DCC: variants seen among roughly 807,000 people sequenced by gnomAD.
DCC encodes netrin receptor DCC.
DCC carries 58 observed loss-of-function variants against 172.5 expected under a neutral mutation model. The observed-to-expected ratio is 0.34, with a 90% CI of 0.27 to 0.42. The LOEUF is 0.42. Among genes scored for constraint, DCC ranks in the 10% least tolerant of loss-of-function variants. The pLI is 1.00. For missense variants in DCC, 1,740 were observed against 1,791.0 expected (o/e 0.97, Z 0.51); for synonymous variants, 709 against 644.5 (o/e 1.10, Z -1.52).
intron 13 of DCC, among the ~76,000 whole-genome samples, chr18:53,314,369 G>A (rs1265359081): frequency 6.6e-6 from 1 of 152,162 alleles, no homozygotes; most frequent in Non-Finnish European, 1.5e-5. Flanking sequence ...GGATAAACAT[G>A]TTTTATAGGA....
chr18:52,762,155 A>G (rs2037171986), intron 2 of DCC, among the ~76,000 whole-genome samples: 1 of 152,144 alleles, frequency 6.6e-6, no homozygotes, highest in Admixed American at 6.5e-5. Context: ...CCCAATGAGC[A>G]TGTGTCAGAG....
At chr18:52,724,392 TC>T (rs2036521074) in intron 1 of DCC, among the ~76,000 whole-genome samples, 1 of 152,098 alleles carries the variant, frequency 6.6e-6, no homozygotes, top group African/African-American at 2.4e-5. Context: ...CAAGTGATCC[TC>T]CCAACTCAGA....
At chr18:52,933,109 T>A (rs527897005) in intron 5 of DCC, among the ~76,000 whole-genome samples, 1 of 152,218 alleles carries the variant, frequency 6.6e-6, no homozygotes, top group African/African-American at 2.4e-5. Flanking sequence ...GCTTTGGAAA[T>A]TTTGAAACAT....
At chr18:53,029,360 G>T (rs2041997711) in intron 5 of DCC, among the ~76,000 whole-genome samples, 2 of 152,184 alleles carry the variant, frequency 1.3e-5, no homozygotes, top group African/African-American at 2.4e-5. Context: ...AAATGTGCCT[G>T]AATGTAATGC....
chr18:52,526,442 G>A (rs770595907), intron 1 of DCC, among the ~76,000 whole-genome samples: 11 of 151,950 alleles, frequency 7.2e-5, no homozygotes, highest in Non-Finnish European at 1.5e-4. Context: ...AAACCTGGTA[G>A]TTGGTAAACA....
chr18:52,745,616 A>G (rs2036895031), intron 1 of DCC, among the ~76,000 whole-genome samples: 1 of 152,090 alleles, frequency 6.6e-6, no homozygotes, highest in African/African-American at 2.4e-5. Context: ...TATCACCTCA[A>G]AGAGTTATCA....
intron 2 of DCC, among the ~76,000 whole-genome samples, chr18:52,874,077 A>G (rs994828645): frequency 6.6e-6 from 1 of 152,154 alleles, no homozygotes; most frequent in African/African-American, 2.4e-5. Flanking sequence ...AAAAATCCAC[A>G]TTTTGTTTGA....
chr18:52,797,407 G>T (rs1428014710), intron 2 of DCC, among the ~76,000 whole-genome samples: 3 of 152,182 alleles, frequency 2.0e-5, no homozygotes, highest in Non-Finnish European at 4.4e-5. Context: ...CCTTTGTAAG[G>T]AAAGATATTT....
chr18:52,434,241 G>T (rs1172344992), intron 1 of DCC, among the ~76,000 whole-genome samples: 1 of 152,110 alleles, frequency 6.6e-6, no homozygotes, highest in Non-Finnish European at 1.5e-5. Context: ...GAAAAATTTT[G>T]CTTTCCTGGG....
intron 7 of DCC, among the ~76,000 whole-genome samples, chr18:53,090,732 A>G (rs984305779): frequency 1.5e-5 from 2 of 129,156 alleles, no homozygotes; most frequent in Admixed American, 7.7e-5. Flanking sequence ...AAAAAAAAAA[A>G]AAGAATGTAT....
chr18:52,468,371 A>G (rs749789269), intron 1 of DCC, among the ~76,000 whole-genome samples: 5 of 152,220 alleles, frequency 3.3e-5, no homozygotes, highest in African/African-American at 4.8e-5. Flanking sequence ...AGATGAAAGT[A>G]TGATAAGTTC....
At chr18:52,839,694 C>T (rs575120517) in intron 2 of DCC, among the ~76,000 whole-genome samples, 2 of 152,264 alleles carry the variant, frequency 1.3e-5, no homozygotes, top group African/African-American at 4.8e-5. Context: ...AACACATCTC[C>T]CTGAATTGTA....
intron 12 of DCC, among the ~76,000 whole-genome samples, chr18:53,255,539 T>A (rs1329857814): frequency 6.6e-6 from 1 of 151,992 alleles, no homozygotes; most frequent in Non-Finnish European, 1.5e-5. Flanking sequence ...ACAAAGGACA[T>A]GAACTCATCC....
intron 1 of DCC, among the ~76,000 whole-genome samples, chr18:52,351,603 T>C (rs1164978257): frequency 6.6e-6 from 1 of 152,188 alleles, no homozygotes; most frequent in African/African-American, 2.4e-5. Context: ...ATTTCTCCTT[T>C]GAAAGCTATC....
Position 53,531,826 on chromosome 18 carries a change from C to T in DCC, c.*1173C>T, listed in dbSNP as rs2046528041. 6.6e-6 allele frequency: 1 copy of T among 152,224 alleles called. No individual in the cohort carries two copies. Among genetic ancestry groups the T allele is most frequent in the Non-Finnish European group, 1.5e-5 (1 of 68,070 alleles). The allele number at this position is 152,224 out of a possible 1,614,324, so 9.4% of individuals were successfully genotyped here. On this transcript the variant is annotated 3_prime_UTR_variant, in exon 29 of 29. Transcript: ENST00000442544. ...TGTTAAGGGAAACTTTTACACTACA[C>T]CTGTGTCAGAGTCAGGGGGAAGCAG...
At chr18:53,377,006 C>G (rs1297051902) in intron 15 of DCC, among the ~76,000 whole-genome samples, 1 of 152,130 alleles carries the variant, frequency 6.6e-6, no homozygotes, top group East Asian at 1.9e-4. Flanking sequence ...AATATCTTTT[C>G]CACTTTCCCT....
chr18:53,247,264 CT>C (rs1486939842), intron 12 of DCC, among the ~76,000 whole-genome samples: 4 of 151,994 alleles, frequency 2.6e-5, no homozygotes, highest in Non-Finnish European at 4.4e-5. Flanking sequence ...TGAGATTCTT[CT>C]TGATCCTAAG....
At chr18:53,020,351 G>C (rs1003930049) in intron 5 of DCC, among the ~76,000 whole-genome samples, 1 of 151,952 alleles carries the variant, frequency 6.6e-6, no homozygotes, top group Non-Finnish European at 1.5e-5. Flanking sequence ...CAGAGCCAAG[G>C]AGAGATCAAC....
At chr18:52,546,351 G>T (rs1444597831) in intron 1 of DCC, among the ~76,000 whole-genome samples, 1 of 152,100 alleles carries the variant, frequency 6.6e-6, no homozygotes, top group Non-Finnish European at 1.5e-5. Context: ...AAAGAAGAAA[G>T]ATCAAAGCCA....
Sources: gnomAD v4.1 joint callset for allele counts (sites outside exome capture counted in the v4.1 genomes callset) on GRCh38, gnomAD v4.1.1 for gene constraint, MANE v1.5 for transcripts, NCBI Gene and HGNC (gene_info 2026-07-23, HGNC 2026-07-21) for gene names.